The following AEBP2 variants were observed in gnomAD, a reference collection of about 807,000 sequenced individuals.
AEBP2 encodes AE binding protein 2, also known as zinc finger protein AEBP2.
A neutral mutation model predicts 50.8 loss-of-function variants in AEBP2; 10 were observed. That is an observed-to-expected ratio of 0.20 (90% CI 0.12 to 0.33). The LOEUF is 0.33. Among genes scored for constraint, AEBP2 ranks in the 10% least tolerant of loss-of-function variants. AEBP2 has a pLI of 1.00. For synonymous variants in AEBP2, 296 were observed against 261.3 expected (o/e 1.13, Z -1.28); for missense variants, 570 against 688.0 (o/e 0.83, Z 1.92).
chr12:19,429,801 C>T (rs1203287358), intron 1 of AEBP2, among the ~76,000 whole-genome samples: 3 of 151,110 alleles, frequency 2.0e-5, no homozygotes, highest in Non-Finnish European at 4.4e-5. Context: ...TGTTCATATC[C>T]TTCGCCCACT....
At chr12:19,500,649 A>C (rs1055864689) in intron 5 of AEBP2, among the ~76,000 whole-genome samples, 2 of 152,124 alleles carry the variant, frequency 1.3e-5, no homozygotes, top group Non-Finnish European at 2.9e-5. Context: ...TACCCATCCA[A>C]AGTTTATGTT....
chr12:19,481,257 C>T lies in AEBP2; in HGVS notation c.987+7902C>T, dbSNP rs377731185. Among the ~76,000 whole-genome samples, 157 of 150,972 alleles carry T rather than the reference C, an allele frequency of 1.0e-3. 1 individual carries two copies. The highest frequency in any genetic ancestry group is 3.6e-3 in the African/African-American group (150 of 41,152). On this transcript the variant is annotated intron_variant, in intron 3 of 7. Coordinates refer to ENST00000266508, the MANE Select transcript of AEBP2 (RefSeq NM_153207.5). The stretch of plus-strand genomic sequence containing the variant: ...CTGGGATTACAGGTGCCCACCACCA[C>T]ACCCAGCTAAGTTTTGTATTTTTTT...
At chr12:19,425,175 C>T (rs942855151) in intron 1 of AEBP2, among the ~76,000 whole-genome samples, 10 of 152,178 alleles carry the variant, frequency 6.6e-5, no homozygotes, top group African/African-American at 2.4e-4. Flanking sequence ...ACTGTCTCTA[C>T]ATGTTGAAGG....
intron 5 of AEBP2, among the ~76,000 whole-genome samples, chr12:19,503,492 T>G (rs1949113424): frequency 6.6e-6 from 1 of 152,146 alleles, no homozygotes; most frequent in Admixed American, 6.6e-5. Flanking sequence ...TTTATCAGGT[T>G]TATGAGCTTT....
At chr12:19,512,188 A>T (rs540624692) in intron 5 of AEBP2, among the ~76,000 whole-genome samples, 133 of 152,114 alleles carry the variant, frequency 8.7e-4, no homozygotes, top group African/African-American at 3.2e-3. Flanking sequence ...CTCCCGGCTA[A>T]TTTTTGTGTT....
chr12:19,456,957 G>A, intron 1 of AEBP2: 2 of 1,519,908 alleles, frequency 1.3e-6, no homozygotes, highest in Non-Finnish European at 9.1e-7. Flanking sequence ...CAAGCAGCAT[G>A]GTTCCACTGG....
At position 19,520,843 on chromosome 12, in the gene AEBP2, G is replaced by A. The variant is rs1949386684; in HGVS notation, c.*2726G>A. 1 of 152,186 alleles carries A rather than the reference G, an allele frequency of 6.6e-6. No individual in the cohort carries two copies. Among genetic ancestry groups the A allele is most frequent in the Non-Finnish European group, 1.5e-5 (1 of 68,038 alleles). 9.4% of individuals were successfully genotyped at this position (152,186 alleles called of 1,614,324 possible). On this transcript the variant is annotated 3_prime_UTR_variant, in exon 8 of 8. Transcript: ENST00000266508. ...TGCTCCAAAGTTCAAAACTTTCTGA[G>A]TGCTGACATCATGCTGCAAGTGGAA...
In AEBP2 at chr12:19,518,821, A is replaced by AG; in HGVS notation, c.*707dup. The AG allele has an allele frequency of 3.0e-6, 3 of 1,001,568 alleles. No homozygotes were observed. Among genetic ancestry groups the AG allele is most frequent in the Non-Finnish European group, 4.2e-6 (3 of 706,762 alleles). The allele number at this position is 1,001,568 out of a possible 1,614,324, so 62.0% of individuals were successfully genotyped here. A position where few individuals can be genotyped will look rare whatever the true frequency, so the allele number is the denominator to read the frequency against. On this transcript the variant is annotated 3_prime_UTR_variant, in exon 8 of 8. Coordinates refer to ENST00000266508, the MANE Select transcript of AEBP2 (RefSeq NM_153207.5). The stretch of plus-strand genomic sequence containing the variant: ...GTCTGGTGGCTCCCTTTTCAGGACT[A>AG]GGGCTTTCTCATGGAGTACAGTATG...
intron 3 of AEBP2, among the ~76,000 whole-genome samples, chr12:19,483,271 C>T (rs947146634): frequency 2.6e-5 from 4 of 152,128 alleles, no homozygotes; most frequent in African/African-American, 7.2e-5. Context: ...CCCACTGCTG[C>T]TTCTACTTTT....
chr12:19,454,439 A>G (rs1281263789), intron 1 of AEBP2, among the ~76,000 whole-genome samples: 3 of 152,168 alleles, frequency 2.0e-5, no homozygotes, highest in Non-Finnish European at 4.4e-5. Flanking sequence ...TTAATTGGTT[A>G]AGGTATAAGG....
chr12:19,514,419 G>T (rs1341815017), intron 6 of AEBP2, among the ~76,000 whole-genome samples: 1 of 152,140 alleles, frequency 6.6e-6, no homozygotes, highest in Non-Finnish European at 1.5e-5. Flanking sequence ...TTTCTAATTT[G>T]ATAAGATATT....
In AEBP2 at chr12:19,519,062, TGAAAAG is replaced by T. The variant is rs552369020; in HGVS notation, c.*951_*956del. ...ATCTTTTATGCACCAAAGTTGGTCT[TGAAAAG>T]GAAAATAAAATCACTTTCTTGCTTG... On this transcript the variant is annotated 3_prime_UTR_variant, in exon 8 of 8. Coordinates refer to ENST00000266508, the MANE Select transcript of AEBP2 (RefSeq NM_153207.5). 9.4e-5 allele frequency: 15 copies of T among 159,558 alleles called. No individual in the cohort carries two copies. The highest frequency in any genetic ancestry group is 1.7e-4 in the Non-Finnish European group (12 of 72,698). The allele number at this position is 159,558 out of a possible 1,614,324, so 9.9% of individuals were successfully genotyped here.
At chr12:19,448,792 G>T (rs1031325827) in intron 1 of AEBP2, among the ~76,000 whole-genome samples, 10 of 152,076 alleles carry the variant, frequency 6.6e-5, no homozygotes, top group Admixed American at 5.9e-4. Context: ...TGACTGTCCT[G>T]CCTCAGCCTT....
chr12:19,476,856 G>A (rs1948655240), intron 3 of AEBP2, among the ~76,000 whole-genome samples: 3 of 152,142 alleles, frequency 2.0e-5, no homozygotes, highest in Admixed American at 2.0e-4. Flanking sequence ...GAAGATTGAT[G>A]ATGGTACTTT....
At chr12:19,481,589 A>G (rs1592755009) in intron 3 of AEBP2, among the ~76,000 whole-genome samples, 1 of 150,098 alleles carries the variant, frequency 6.7e-6, no homozygotes, top group Non-Finnish European at 1.5e-5. Context: ...AGTGATTCTC[A>G]TGCCTCATCC....
chr12:19,473,680 A>T (rs1208067986), intron 3 of AEBP2, among the ~76,000 whole-genome samples: 2 of 152,204 alleles, frequency 1.3e-5, no homozygotes, highest in Admixed American at 6.5e-5. Flanking sequence ...TGCTGGGATT[A>T]CAGGCATGAG....
chr12:19,472,192 GAAGA>G (rs570876973), intron 2 of AEBP2, among the ~76,000 whole-genome samples: 19 of 152,278 alleles, frequency 1.2e-4, no homozygotes, highest in Admixed American at 3.3e-4. Flanking sequence ...TAGGCTGGCT[GAAGA>G]AAGATTCTTC....
At chr12:19,412,559 T>A (rs1201369879) in intron 1 of AEBP2, among the ~76,000 whole-genome samples, 1 of 151,998 alleles carries the variant, frequency 6.6e-6, no homozygotes, top group African/African-American at 2.4e-5. Flanking sequence ...ATTACAGGTG[T>A]GAGCCACTGC....
At position 19,518,821 on chromosome 12, in the gene AEBP2, A is replaced by T; in HGVS notation, c.*704A>T. ...GTCTGGTGGCTCCCTTTTCAGGACT[A>T]GGGCTTTCTCATGGAGTACAGTATG... is the stretch of plus-strand genomic sequence containing the variant. On this transcript the variant is annotated 3_prime_UTR_variant, in exon 8 of 8. Coordinates refer to ENST00000266508, the MANE Select transcript of AEBP2 (RefSeq NM_153207.5). The T allele has an allele frequency of 1.0e-6, 1 of 1,001,568 alleles. No individual in the cohort carries two copies. Among genetic ancestry groups the T allele is most frequent in the Non-Finnish European group, 1.4e-6 (1 of 706,762 alleles). The allele number at this position is 1,001,568 out of a possible 1,614,324, so 62.0% of individuals were successfully genotyped here. A position where few individuals can be genotyped will look rare whatever the true frequency, so the allele number is the denominator to read the frequency against.
Sources: gnomAD v4.1 joint callset for allele counts (sites outside exome capture counted in the v4.1 genomes callset) on GRCh38, gnomAD v4.1.1 for gene constraint, MANE v1.5 for transcripts, NCBI Gene and HGNC (gene_info 2026-07-23, HGNC 2026-07-21) for gene names.